The following TSC22D1 variants were observed in gnomAD, a reference collection of about 807,000 sequenced individuals.
TSC22D1 encodes the protein TSC22 domain family member 1, also known as TSC22 domain family protein 1.
TSC22D1 carries 9 observed loss-of-function variants against 74.2 expected under a neutral mutation model. The ratio of observed to expected loss-of-function variants is 0.12; its 90% confidence interval spans 0.07 to 0.21. TSC22D1 has a LOEUF of 0.21. TSC22D1 is among the 10% of genes least tolerant of loss of function. The pLI, the probability that TSC22D1 is intolerant of heterozygous loss-of-function variation, is 1.00. For synonymous variants in TSC22D1, 586 were observed against 492.5 expected (o/e 1.19, Z -2.51); for missense variants, 1,427 against 1,304.7 (o/e 1.09, Z -1.44).
intron 1 of TSC22D1, among the ~76,000 whole-genome samples, chr13:44,489,692 C>T (rs1371059136): frequency 1.3e-5 from 2 of 151,682 alleles, no homozygotes; most frequent in Non-Finnish European, 2.9e-5. Context: ...AAATAAATTA[C>T]ATAAATAAAA....
At chr13:44,515,884 C>T (rs1250509127) in intron 1 of TSC22D1, among the ~76,000 whole-genome samples, 2 of 152,064 alleles carry the variant, frequency 1.3e-5, no homozygotes, top group African/African-American at 2.4e-5. Context: ...CAATATGTAC[C>T]ATTTTACACC....
chr13:44,442,455 G>A (rs998727871), intron 1 of TSC22D1, among the ~76,000 whole-genome samples: 4 of 152,118 alleles, frequency 2.6e-5, no homozygotes, highest in Admixed American at 2.0e-4. Flanking sequence ...ACAGGTGTGA[G>A]AAATGTAAGA....
chr13:44,470,650 C>T (rs1173218849), intron 1 of TSC22D1, among the ~76,000 whole-genome samples: 1 of 152,080 alleles, frequency 6.6e-6, no homozygotes, highest in Admixed American at 6.5e-5. Context: ...AGTTTATTTT[C>T]CTTCCCCCAA....
At chr13:44,443,919 A>G (rs922592271) in intron 1 of TSC22D1, among the ~76,000 whole-genome samples, 1 of 152,198 alleles carries the variant, frequency 6.6e-6, no homozygotes, top group African/African-American at 2.4e-5. Flanking sequence ...AAAAGAAAGA[A>G]TAAGAGGAAA....
At chr13:44,544,071 T>C (rs9525979) in intron 1 of TSC22D1, among the ~76,000 whole-genome samples, 16,604 of 152,148 alleles carry the variant, frequency 0.11, 975 homozygotes, top group Non-Finnish European at 0.12. Context: ...CCAGCATGGG[T>C]GACACAGCAA....
Position 44,576,322 on chromosome 13 carries a change from A to G in TSC22D1, c.-248T>C, listed in dbSNP as rs1410571478. ...GGGGGGATCCCTTCAGTCCTTCGCC[A>G]TTCACTTTCCCCTCTAGCCTCACAC... On this transcript the variant is annotated 5_prime_UTR_variant, in exon 1 of 3. The change abolishes an upstream ATG in the 5' untranslated region. Transcript: ENST00000458659. 1.9e-6 allele frequency: 1 copy of G among 520,894 alleles called. No individual in the cohort carries two copies. Among genetic ancestry groups the G allele is most frequent in the Non-Finnish European group, 3.4e-6 (1 of 297,364 alleles). The allele number at this position is 520,894 out of a possible 1,614,324, so 32.3% of individuals were successfully genotyped here.
chr13:44,556,941 C>T (rs1048843216), intron 1 of TSC22D1, among the ~76,000 whole-genome samples: 3 of 143,746 alleles, frequency 2.1e-5, no homozygotes, highest in Non-Finnish European at 4.6e-5. Context: ...GTCGGGAGTT[C>T]GAGACCAGCT....
intron 1 of TSC22D1, among the ~76,000 whole-genome samples, chr13:44,444,314 G>GAAAAAA (rs1428959783): frequency 1.1e-5 from 1 of 89,340 alleles, no homozygotes; most frequent in Non-Finnish European, 2.3e-5. Context: ...AAAAAGAAAA[G>GAAAAAA]AAAAGAAAAA....
intron 1 of TSC22D1, among the ~76,000 whole-genome samples, chr13:44,504,069 C>T (rs192618735): frequency 2.6e-4 from 39 of 149,626 alleles, no homozygotes; most frequent in Admixed American, 2.6e-3. Context: ...AATTTCATAA[C>T]AGAAACCCCA....
chr13:44,540,995 C>T (rs553564840), intron 1 of TSC22D1, among the ~76,000 whole-genome samples: 86 of 152,184 alleles, frequency 5.7e-4, no homozygotes, highest in African/African-American at 1.8e-3. Context: ...TCACAGTATC[C>T]TATTTCTAGG....
At chr13:44,535,645 A>AAAC (rs1566158787) in intron 1 of TSC22D1, among the ~76,000 whole-genome samples, 17 of 148,702 alleles carry the variant, frequency 1.1e-4, no homozygotes, top group Admixed American at 2.0e-4. Context: ...AACAAACAAA[A>AAAC]AAAACCATTT....
rs147220274 is a variant in TSC22D1, at chr13:44,524,484, A to G, written c.2912+48679T>C. 4.6e-5 allele frequency among the ~76,000 whole-genome samples: 7 copies of G among 152,338 alleles called. No individual in the cohort carries two copies. The East Asian group carries it at 1.2e-3, about 25-fold the overall frequency. ...AATTAAGACAGTCTAAATATGGACT[A>G]GTTTGACAGATGGAAACTCCTGGCA... On this transcript the variant is annotated intron_variant, in intron 1 of 2. Coordinates refer to ENST00000458659, the MANE Select transcript of TSC22D1 (RefSeq NM_183422.4).
At chr13:44,469,485 T>A (rs1467703313) in intron 1 of TSC22D1, among the ~76,000 whole-genome samples, 1 of 151,922 alleles carries the variant, frequency 6.6e-6, no homozygotes, top group East Asian at 2.0e-4. Flanking sequence ...TAGGAGGATG[T>A]TCTTAACACA....
chr13:44,552,946 C>G (rs914956781), intron 1 of TSC22D1, among the ~76,000 whole-genome samples: 14 of 152,150 alleles, frequency 9.2e-5, no homozygotes, highest in Non-Finnish European at 7.4e-5. Flanking sequence ...CGCGATCGTG[C>G]CACTGCACTC....
chr13:44,490,364 T>TC (rs1355513066), intron 1 of TSC22D1, among the ~76,000 whole-genome samples: 2 of 151,856 alleles, frequency 1.3e-5, no homozygotes, highest in Non-Finnish European at 2.9e-5. Context: ...CTAAGTTTTT[T>TC]TTTTTTTTTT....
At chr13:44,533,973 A>G (rs1041950833) in intron 1 of TSC22D1, among the ~76,000 whole-genome samples, 2 of 152,170 alleles carry the variant, frequency 1.3e-5, no homozygotes, top group East Asian at 1.9e-4. Flanking sequence ...CCAGGCCAGG[A>G]GCAGTAGCCC....
At chr13:44,500,018 C>T (rs1288239284) in intron 1 of TSC22D1, among the ~76,000 whole-genome samples, 1 of 148,214 alleles carries the variant, frequency 6.7e-6, no homozygotes, top group Non-Finnish European at 1.5e-5. Flanking sequence ...ACCCAGGAGG[C>T]GGAGGTTGCA....
At chr13:44,520,572 G>T (rs1880262658) in intron 1 of TSC22D1, among the ~76,000 whole-genome samples, 1 of 151,680 alleles carries the variant, frequency 6.6e-6, no homozygotes, top group Non-Finnish European at 1.5e-5. Flanking sequence ...ATGCTTCTAT[G>T]CATAAGAGAA....
intron 1 of TSC22D1, among the ~76,000 whole-genome samples, chr13:44,502,162 G>T (rs1461790153): frequency 6.6e-6 from 1 of 152,128 alleles, no homozygotes; most frequent in Non-Finnish European, 1.5e-5. Context: ...CTATGTGTGA[G>T]CCTCCTTCCA....
Sources: gnomAD v4.1 joint callset for allele counts (sites outside exome capture counted in the v4.1 genomes callset) on GRCh38, gnomAD v4.1.1 for gene constraint, MANE v1.5 for transcripts, NCBI Gene and HGNC (gene_info 2026-07-23, HGNC 2026-07-21) for gene names.